The following ASPH variants were observed in gnomAD, a reference collection of about 807,000 sequenced individuals.
ASPH encodes aspartate beta-hydroxylase, also known as aspartyl/asparaginyl beta-hydroxylase.
Under a neutral mutation model 118.4 loss-of-function variants are expected in ASPH, and 100 were observed. That is an observed-to-expected ratio of 0.84 (90% CI 0.72 to 1.00). The LOEUF is 1.00. Among genes scored for constraint, ASPH ranks in the 50% least tolerant of loss-of-function variants. The pLI is 0.00. For synonymous variants in ASPH, 315 were observed against 325.6 expected (o/e 0.97, Z 0.35); for missense variants, 920 against 919.5 (o/e 1.00, Z -0.01).
intron 1 of ASPH, among the ~76,000 whole-genome samples, chr8:61,710,220 G>A (rs764937146): frequency 1.3e-5 from 2 of 152,128 alleles, no homozygotes; most frequent in Non-Finnish European, 2.9e-5. Flanking sequence ...GATTTTTAGC[G>A]ATTCTTGGTT....
chr8:61,703,644 T>C (rs949272122), intron 1 of ASPH, among the ~76,000 whole-genome samples: 1 of 151,966 alleles, frequency 6.6e-6, no homozygotes, highest in African/African-American at 2.4e-5. Flanking sequence ...TGAAGAAATA[T>C]ACCACTATCA....
At position 61,600,092 on chromosome 8, in the gene ASPH, G is replaced by A. The variant is rs181597260; in HGVS notation, c.977-16063C>T. On this transcript the variant is annotated intron_variant, in intron 14 of 24. Coordinates refer to ENST00000379454, the MANE Select transcript of ASPH (RefSeq NM_004318.4). ...AGTGTGATTTATCCCATGAATGCAA[G>A]GATGGTTCAACATATGAAAATAAAA... is the stretch of plus-strand genomic sequence containing the variant. 2.6e-5 allele frequency among the ~76,000 whole-genome samples: 4 copies of A among 152,160 alleles called. No individual in the cohort carries two copies. The East Asian group carries it at 5.8e-4, about 22-fold the overall frequency.
chr8:61,670,068 ATTT>A, intron 3 of ASPH, among the ~76,000 whole-genome samples: 1 of 152,030 alleles, frequency 6.6e-6, no homozygotes, highest in South Asian at 2.1e-4. Context: ...ATAGCCAATA[ATTT>A]TTCAATATTT....
intron 21 of ASPH, among the ~76,000 whole-genome samples, chr8:61,540,398 C>A (rs930359561): frequency 6.6e-6 from 1 of 152,112 alleles, no homozygotes; most frequent in Non-Finnish European, 1.5e-5. Context: ...GTATGTAACA[C>A]CTCACCTGCC....
chr8:61,632,441 C>A (rs1293492066), intron 13 of ASPH, among the ~76,000 whole-genome samples: 2 of 152,046 alleles, frequency 1.3e-5, no homozygotes, highest in Non-Finnish European at 2.9e-5. Context: ...TGTAACTGGT[C>A]CTGCCTCTTT....
chr8:61,566,540 A>G (rs557123482), intron 17 of ASPH, among the ~76,000 whole-genome samples: 78 of 152,378 alleles, frequency 5.1e-4, no homozygotes, highest in Non-Finnish European at 9.4e-4. Flanking sequence ...ATTGACTCCA[A>G]TTTTGAAAAA....
In ASPH at chr8:61,699,439, G is replaced by C. The variant is rs186855709; in HGVS notation, c.103+14830C>G. Among the ~76,000 whole-genome samples, 769 of 152,302 alleles carry C rather than the reference G, an allele frequency of 5.0e-3. 5 individuals are homozygous for C. The highest frequency in any genetic ancestry group is 0.018 in the African/African-American group (729 of 41,560). ...ATGAGAGAGGGGTACTGCAGGTACT[G>C]CAAGGTAAGTTTCTTGTTTCATGGG... is the stretch of plus-strand genomic sequence containing the variant. On this transcript the variant is annotated intron_variant, in intron 1 of 24. Transcript: ENST00000379454.
chr8:61,627,071 G>A (rs982840487), intron 13 of ASPH, among the ~76,000 whole-genome samples: 1 of 151,996 alleles, frequency 6.6e-6, no homozygotes, highest in Non-Finnish European at 1.5e-5. Flanking sequence ...TATGTAAGTG[G>A]AATTGTTTGG....
chr8:61,534,110 G>T (rs1024261271), intron 21 of ASPH, among the ~76,000 whole-genome samples: 2 of 152,146 alleles, frequency 1.3e-5, no homozygotes, highest in Admixed American at 6.6e-5. Context: ...ACCATGCCCA[G>T]CTAATTTTGT....
rs774561119 is a variant in ASPH at position 61,518,078 on chromosome 8, G to C, written c.1946C>G (p.Thr649Ser). Reference protein sequence around the residue: ...NACKGAPKTCTLLEKFPETTG... With the variant: ...NACKGAPKTCSLLEKFPETTG... ...TGTCTCGGGGAACTTTTCTAGTAAGGTACAGGTTTTAGGAGCTCCTTTGCA... is the reference window on the plus strand; with the variant it reads ...TGTCTCGGGGAACTTTTCTAGTAAGCTACAGGTTTTAGGAGCTCCTTTGCA... The change falls in exon 23 of 25, where the codon ACC (threonine) becomes AGC (serine). Residue 649 changes from threonine (T) to serine (S), a missense_variant. Thr to Ser is a moderately conservative substitution (Grantham distance 58, BLOSUM62 1). Coordinates refer to ENST00000379454, the MANE Select transcript of ASPH (RefSeq NM_004318.4). The C allele has an allele frequency of 1.2e-6, 2 of 1,613,888 alleles. No individual in the cohort carries two copies.
At chr8:61,562,124 T>C (rs1254639533) in intron 18 of ASPH, among the ~76,000 whole-genome samples, 1 of 152,170 alleles carries the variant, frequency 6.6e-6, no homozygotes, top group Non-Finnish European at 1.5e-5. Context: ...GGGCATCCTG[T>C]TCATTCTGTA....
At chr8:61,517,324 G>A in intron 24 of ASPH, 2 of 617,856 alleles carry the variant, frequency 3.2e-6, no homozygotes, top group Non-Finnish European at 5.2e-6. Flanking sequence ...AATGGAGGAG[G>A]GCAGCCCTAG....
At chr8:61,699,177 CCTAA>C (rs1834655260) in intron 1 of ASPH, among the ~76,000 whole-genome samples, 1 of 152,200 alleles carries the variant, frequency 6.6e-6, no homozygotes, top group Non-Finnish European at 1.5e-5. Context: ...GTATGGTTTG[CCTAA>C]CTTCTTGCAG....
chr8:61,679,286 T>C (rs1826790922), intron 3 of ASPH, among the ~76,000 whole-genome samples: 1 of 152,126 alleles, frequency 6.6e-6, no homozygotes, highest in Admixed American at 6.6e-5. Flanking sequence ...CCAAATTTAG[T>C]TCCACCTCCA....
intron 22 of ASPH, among the ~76,000 whole-genome samples, chr8:61,525,365 CACACAT>C (rs946448405): frequency 1.0e-4 from 15 of 145,802 alleles, no homozygotes; most frequent in African/African-American, 3.3e-4. Flanking sequence ...CGCACACACA[CACACAT>C]ACACACACGC....
chr8:61,589,690 G>A (rs1176215248), intron 14 of ASPH, among the ~76,000 whole-genome samples: 1 of 152,160 alleles, frequency 6.6e-6, no homozygotes, highest in Non-Finnish European at 1.5e-5. Context: ...ACCTAGGACT[G>A]TGGATTAGGG....
At chr8:61,678,571 GA>G (rs1826439833) in intron 3 of ASPH, among the ~76,000 whole-genome samples, 1 of 151,860 alleles carries the variant, frequency 6.6e-6, no homozygotes, top group Non-Finnish European at 1.5e-5. Context: ...AAAATTGAGT[GA>G]AATGTACCAT....
At chr8:61,638,172 AC>A in intron 11 of ASPH, 149 bp downstream of exon 11, 1 of 1,191,600 alleles carries the variant, frequency 8.4e-7, no homozygotes, top group Admixed American at 2.7e-5. Flanking sequence ...TAGAATATTA[AC>A]TTTAATTTTG....
chr8:61,707,638 G>A (rs1837015325), intron 1 of ASPH, among the ~76,000 whole-genome samples: 1 of 152,136 alleles, frequency 6.6e-6, no homozygotes. Context: ...GGAGAGATAG[G>A]CACATACATG....
Sources: allele counts gnomAD v4.1 joint callset (sites outside exome capture counted in the v4.1 genomes callset), GRCh38; gene constraint gnomAD v4.1.1; transcripts MANE v1.5; gene names NCBI Gene and HGNC (gene_info 2026-07-23, HGNC 2026-07-21).